The following BASP1 variants were observed in gnomAD, a reference collection of about 807,000 sequenced individuals.
BASP1 encodes the protein brain acid soluble protein 1.
A neutral mutation model predicts 2.2 loss-of-function variants in BASP1; 1 was observed. The observed-to-expected ratio is 0.46, with a 90% CI of 0.16 to 2.17. BASP1 has a LOEUF of 2.17. Ranked by LOEUF, BASP1 falls within the 30% of genes most tolerant of loss-of-function variation. BASP1 has a pLI of 0.27. For synonymous variants in BASP1, 187 were observed against 154.2 expected, an observed-to-expected ratio of 1.21 and a Z score of -1.58; for missense variants, 352 against 327.2, an observed-to-expected ratio of 1.08 and a Z score of -0.58.
rs1410844682 is a variant in BASP1, at chr5:17,260,674, G to A, written c.-9-14534G>A. Among the ~76,000 whole-genome samples the A allele has an allele frequency of 1.3e-5, 2 of 152,082 alleles. No individual in the cohort carries two copies. The highest frequency in any genetic ancestry group is 6.5e-5 in the Admixed American group (1 of 15,274). ...TCTTCCATCTTACAGTTCATAATTT[G>A]CAAATTAGATGTTCCCGTCTGTAGT... is the stretch of plus-strand genomic sequence containing the variant. On this transcript the variant is annotated intron_variant, in intron 1 of 1. Transcript: ENST00000322611. The surrounding 1 kb of genome is among the most constrained non-coding windows in gnomAD (Gnocchi z 4.2).
chr5:17,234,502 G>A (rs1464012514), intron 1 of BASP1, among the ~76,000 whole-genome samples: 1 of 152,206 alleles, frequency 6.6e-6, no homozygotes. Context: ...CCTAAAAGTG[G>A]TTCAAGTGAT....
At chr5:17,246,727 C>T (rs564155280) in intron 1 of BASP1, among the ~76,000 whole-genome samples, 234 of 152,318 alleles carry the variant, frequency 1.5e-3, no homozygotes, top group African/African-American at 5.2e-3. Flanking sequence ...CTGGAAGGAC[C>T]TCATTCTCTA....
At position 17,221,405 on chromosome 5, in the gene BASP1, G is replaced by A. The variant is rs1305598976; in HGVS notation, c.-10+3595G>A. Among the ~76,000 whole-genome samples the A allele has an allele frequency of 2.8e-5, 4 of 141,356 alleles. No homozygotes were observed. In the East Asian group the frequency reaches 6.1e-4, roughly 22 times the overall value. The allele number at this position is 141,356 out of a possible 152,430, so 92.7% of individuals were successfully genotyped here. On this transcript the variant is annotated intron_variant, in intron 1 of 1. Coordinates refer to ENST00000322611, the MANE Select transcript of BASP1 (RefSeq NM_006317.5). ...TTTTTTAAATATCCAAAGAAGACCT[G>A]TGAACTATTATTTGTCAGAAGCAAT...
At chr5:17,254,120 C>A (rs1021296358) in intron 1 of BASP1, among the ~76,000 whole-genome samples, 1 of 151,994 alleles carries the variant, frequency 6.6e-6, no homozygotes, top group Admixed American at 6.6e-5. Flanking sequence ...TCTCAGAGAA[C>A]AAACCAGGAA....
At chr5:17,221,419 G>C (rs1180678641) in intron 1 of BASP1, among the ~76,000 whole-genome samples, 1 of 99,788 alleles carries the variant, frequency 1.0e-5, no homozygotes, top group Non-Finnish European at 2.0e-5. Flanking sequence ...ACTATTATTT[G>C]TCAGAAGCAA....
chr5:17,223,726 G>A (rs1027859503), intron 1 of BASP1, among the ~76,000 whole-genome samples: 9 of 152,288 alleles, frequency 5.9e-5, no homozygotes, highest in African/African-American at 1.7e-4. Context: ...ACCCTGATTA[G>A]CTGTATGACC....
rs745972618 is a variant in BASP1, at chr5:17,275,849, G to A, written c.633G>A (p.Pro211=). Residue 211 remains proline, a synonymous_variant, in exon 2 of 2, where the codon CCG becomes CCA. Coordinates refer to ENST00000322611, the MANE Select transcript of BASP1 (RefSeq NM_006317.5). The surrounding 1 kb of genome is among the most constrained non-coding windows in gnomAD (Gnocchi z 5.3). ...GPAASAEEPK[P]VEAPAANSDQ... Reference sequence around the variant, plus strand: ...CAGCCTCTGCAGAAGAGCCCAAGCCGGTGGAGGCCCCGGCAGCTAATTCCG... The same window carrying A: ...CAGCCTCTGCAGAAGAGCCCAAGCCAGTGGAGGCCCCGGCAGCTAATTCCG... The A allele has an allele frequency of 5.0e-6, 8 of 1,605,178 alleles. No homozygotes were observed. The highest frequency in any genetic ancestry group is 2.7e-5 in the African/African-American group (2 of 74,406).
upstream of BASP1, chr5:17,217,071 T>TGTGTGAGAGAGAGAGAGAGAGAGA (rs1367601986): frequency 8.8e-5 from 9 of 102,046 alleles, no homozygotes; most frequent in African/African-American, 3.0e-4. Context: ...AGAGAGAGAG[T>TGTGTGAGAGAGAGAGAGAGAGAGA]GAGAGAGAGA....
At chr5:17,267,827 T>TTTA (rs2126518831) in intron 1 of BASP1, among the ~76,000 whole-genome samples, 1 of 147,068 alleles carries the variant, frequency 6.8e-6, no homozygotes, top group East Asian at 2.0e-4. Context: ...CTTTTTTTTT[T>TTTA]TTTTTTTTTT....
intron 1 of BASP1, among the ~76,000 whole-genome samples, chr5:17,224,597 A>C (rs909728549): frequency 6.6e-6 from 1 of 152,200 alleles, no homozygotes; most frequent in Non-Finnish European, 1.5e-5. Context: ...TATACTTCTA[A>C]TATTTCATCA....
intron 1 of BASP1, among the ~76,000 whole-genome samples, chr5:17,248,171 T>G (rs1339787008): frequency 1.3e-5 from 2 of 152,230 alleles, no homozygotes; most frequent in African/African-American, 4.8e-5. Context: ...GAATTCTCAC[T>G]TCAGCTATAC....
At chr5:17,257,496 T>C (rs1458285669) in intron 1 of BASP1, among the ~76,000 whole-genome samples, 2 of 152,222 alleles carry the variant, frequency 1.3e-5, no homozygotes, top group Admixed American at 1.3e-4. Flanking sequence ...TAAAATGTAC[T>C]GAATACCTAC....
chr5:17,247,141 C>T lies in BASP1; in HGVS notation c.-9-28067C>T, dbSNP rs965534609. ...CAGAGGCTGCAGTGAGCCGAGATTGCGTTGTTGCACTCCAGCCTGGGCGAC... is the reference window on the plus strand; with the variant it reads ...CAGAGGCTGCAGTGAGCCGAGATTGTGTTGTTGCACTCCAGCCTGGGCGAC... On this transcript the variant is annotated intron_variant, in intron 1 of 1. Coordinates refer to ENST00000322611, the MANE Select transcript of BASP1 (RefSeq NM_006317.5). Among the ~76,000 whole-genome samples, 5 of 152,168 alleles carry T rather than the reference C, an allele frequency of 3.3e-5. No individual in the cohort carries two copies. In the East Asian group the frequency reaches 7.7e-4, roughly 23 times the overall value.
At chr5:17,259,461 C>T (rs1213248365) in intron 1 of BASP1, among the ~76,000 whole-genome samples, 1 of 152,136 alleles carries the variant, frequency 6.6e-6, no homozygotes, top group Non-Finnish European at 1.5e-5. Flanking sequence ...ATTTACCAAA[C>T]CCCTGTTAGT....
chr5:17,260,050 G>A lies in BASP1; in HGVS notation c.-9-15158G>A, dbSNP rs944438651. On this transcript the variant is annotated intron_variant, in intron 1 of 1. Transcript: ENST00000322611. This position sits in a 1 kb window ranked among gnomAD's most constrained non-coding sequence, Gnocchi z 4.2. Reference sequence around the variant, plus strand: ...CACTTACTCCCTTTATTGACCAAAAGAGCAGGTGATTCATGTAAAATCATA... The same window carrying A: ...CACTTACTCCCTTTATTGACCAAAAAAGCAGGTGATTCATGTAAAATCATA... 2.2e-4 allele frequency among the ~76,000 whole-genome samples: 34 copies of A among 152,174 alleles called. No homozygotes were observed. The highest frequency in any genetic ancestry group is 8.2e-4 in the African/African-American group (34 of 41,436).
At position 17,232,146 on chromosome 5, in the gene BASP1, C is replaced by T. The variant is rs77487787; in HGVS notation, c.-10+14336C>T. ...CTGAGTGTCCTCCCAAGGTAGAGTC[C>T]GAAATGAAAAATGAAGCTGTGTATT... On this transcript the variant is annotated intron_variant, in intron 1 of 1. Transcript: ENST00000322611. Among the ~76,000 whole-genome samples, 371 of 152,066 alleles carry T rather than the reference C, an allele frequency of 2.4e-3. 9 individuals carry two copies. In the East Asian group the frequency reaches 0.052, roughly 21 times the overall value.
intron 1 of BASP1, among the ~76,000 whole-genome samples, chr5:17,263,709 C>G (rs544378640): frequency 6.6e-6 from 1 of 152,270 alleles, no homozygotes; most frequent in South Asian, 2.1e-4. Flanking sequence ...TGAGTGTGTG[C>G]TAATCTGTGT....
chr5:17,275,959 C>CTCTA lies in BASP1; in HGVS notation c.*62_*63insATCT. ...AAAACAATCTCCTCTCTCTCTCTCT[C>CTCTA]TCTCTCTCTCTATCTCTCTCTCTAT... is the stretch of plus-strand genomic sequence containing the variant. On this transcript the variant is annotated 3_prime_UTR_variant, in exon 2 of 2. Transcript: ENST00000322611. The surrounding 1 kb of genome is among the most constrained non-coding windows in gnomAD (Gnocchi z 5.3). The CTCTA allele has an allele frequency of 7.1e-7, 1 of 1,399,482 alleles. No homozygotes were observed. 86.7% of individuals were successfully genotyped at this position (1,399,482 alleles called of 1,614,324 possible).
chr5:17,237,006 CG>C (rs1291523871), intron 1 of BASP1, among the ~76,000 whole-genome samples: 1 of 152,004 alleles, frequency 6.6e-6, no homozygotes, highest in Non-Finnish European at 1.5e-5. Context: ...ACCAGCCCAC[CG>C]GGTAGTAAAC....
Sources: allele counts gnomAD v4.1 joint callset (sites outside exome capture counted in the v4.1 genomes callset), GRCh38; gene constraint gnomAD v4.1.1; non-coding constraint Gnocchi (gnomAD v3.1); transcripts MANE v1.5; gene names NCBI Gene and HGNC (gene_info 2026-07-23, HGNC 2026-07-21).